Variants in JAK1 observed in about 807,000 individuals in gnomAD.
JAK1 encodes Janus kinase 1, also known as tyrosine-protein kinase JAK1.
JAK1 carries 16 observed loss-of-function variants against 136.6 expected under a neutral mutation model. That is an observed-to-expected ratio of 0.12 (90% CI 0.08 to 0.18). The LOEUF is 0.18. Among genes scored for constraint, JAK1 ranks in the 10% least tolerant of loss-of-function variants. The probability of loss-of-function intolerance (pLI) is 1.00; values close to 1 mark genes in which losing one functional copy is unlikely to be tolerated. For missense variants in JAK1, 859 were observed against 1,450.1 expected (o/e 0.59, Z 6.62); for synonymous variants, 492 against 519.5 (o/e 0.95, Z 0.72).
At chr1:64,884,220 T>A (rs549675320) in intron 2 of JAK1, among the ~76,000 whole-genome samples, 5 of 152,128 alleles carry the variant, frequency 3.3e-5, no homozygotes, top group African/African-American at 1.2e-4. Context: ...ATAAGCACCC[T>A]CCAAAGGGAG....
At chr1:64,965,328 G>A (rs1569767148) in intron 1 of JAK1, among the ~76,000 whole-genome samples, 1 of 152,298 alleles carries the variant, frequency 6.6e-6, no homozygotes, top group African/African-American at 2.4e-5. Flanking sequence ...GCAGAAGGCA[G>A]CTCACAGCCA....
chr1:64,840,785 T>C (rs1654844964), intron 19 of JAK1, among the ~76,000 whole-genome samples: 1 of 151,494 alleles, frequency 6.6e-6, no homozygotes. Flanking sequence ...TGAGCTATGA[T>C]CACACCACTC....
At chr1:64,939,481 TA>T (rs1353423234) in intron 1 of JAK1, among the ~76,000 whole-genome samples, 2 of 152,224 alleles carry the variant, frequency 1.3e-5, no homozygotes, top group Admixed American at 1.3e-4. Flanking sequence ...GGCTTACTGG[TA>T]AAATGCATGA....
At chr1:64,879,479 G>T (rs1266578884) in intron 3 of JAK1, among the ~76,000 whole-genome samples, 1 of 152,146 alleles carries the variant, frequency 6.6e-6, no homozygotes, top group Non-Finnish European at 1.5e-5. Context: ...ACCCCTATCT[G>T]AGAGGTTCAC....
intron 1 of JAK1, among the ~76,000 whole-genome samples, chr1:64,928,487 T>C (rs761798618): frequency 1.3e-5 from 2 of 152,122 alleles, no homozygotes; most frequent in Non-Finnish European, 2.9e-5. Context: ...TACACAAATA[T>C]GCACACACAA....
Position 64,925,787 on chromosome 1 carries a change from A to G in JAK1, c.-77-39446T>C, listed in dbSNP as rs376739461. On this transcript the variant is annotated intron_variant, in intron 1 of 24. Coordinates refer to ENST00000342505, the MANE Select transcript of JAK1 (RefSeq NM_002227.4). ...AAATCCCTACTTTACAGGGAACTAA[A>G]TGAGGCCCAAACACAAGACCCAAGG... 2.0e-4 allele frequency among the ~76,000 whole-genome samples: 30 copies of G among 152,282 alleles called. 5 individuals are homozygous for G. The highest frequency in any genetic ancestry group is 3.3e-4 in the Admixed American group (5 of 15,298).
intron 12 of JAK1, among the ~76,000 whole-genome samples, chr1:64,850,114 C>T (rs1002513224): frequency 6.6e-6 from 1 of 152,176 alleles, no homozygotes; most frequent in Non-Finnish European, 1.5e-5. Flanking sequence ...GTGCTTGCTT[C>T]TCTCCAAGGC....
chr1:64,968,620 C>T (rs559322510), upstream of JAK1, among the ~76,000 whole-genome samples: 1 of 152,100 alleles, frequency 6.6e-6, no homozygotes, highest in Admixed American at 6.5e-5. Flanking sequence ...AAGACCCTGT[C>T]TCTAAAATAA....
chr1:65,061,681 C>G (rs1360561825), intron 1 of JAK1, among the ~76,000 whole-genome samples: 3 of 152,148 alleles, frequency 2.0e-5, no homozygotes, highest in African/African-American at 7.2e-5. Flanking sequence ...TTTGACCACA[C>G]TGAGATGTTA....
chr1:64,966,974 A>G (rs1054595021), upstream of JAK1, among the ~76,000 whole-genome samples: 1 of 152,036 alleles, frequency 6.6e-6, no homozygotes, highest in Non-Finnish European at 1.5e-5. Context: ...GTGGAGCACT[A>G]GACTAAAAAG....
Position 64,838,476 on chromosome 1 carries a change from G to C in JAK1, c.2956C>G (p.Gln986Glu). 6.2e-7 allele frequency: 1 copy of C among 1,613,908 alleles called. No homozygotes were observed. The highest frequency in any genetic ancestry group is 8.5e-7 in the Non-Finnish European group (1 of 1,179,876). Residue 986 changes from glutamine (Q) to glutamate (E), a missense_variant, in exon 21 of 25, where the codon CAG becomes GAG. Coordinates refer to ENST00000342505, the MANE Select transcript of JAK1 (RefSeq NM_002227.4). ...TCTTTATTTTTTACCTTACAAATCT[G>C]AACGGCATATTTTAGCTGCTGTTTG... ...NLKQQLKYAV[Q>E]ICKGMDYLGS...
At chr1:64,845,378 C>T (rs1027737936) in intron 15 of JAK1, 135 bp downstream of exon 15, 1 of 999,098 alleles carries the variant, frequency 1.0e-6, no homozygotes, top group Non-Finnish European at 1.5e-6. Flanking sequence ...CACCTTTGTT[C>T]AACCACAGAG....
At chr1:64,928,429 C>T (rs948847918) in intron 1 of JAK1, among the ~76,000 whole-genome samples, 3 of 152,148 alleles carry the variant, frequency 2.0e-5, no homozygotes, top group Non-Finnish European at 4.4e-5. Context: ...CTCCCTGAAG[C>T]CAGCTCTCAC....
In JAK1 at chr1:64,951,849, A is replaced by G. The variant is rs371034531; in HGVS notation, c.-78+14484T>C. ...AATTTTTTGTATTTTTAGTAGAGACAGGGTTTCACCGTGTTAGCTAGGATG... is the reference window on the plus strand; with the variant it reads ...AATTTTTTGTATTTTTAGTAGAGACGGGGTTTCACCGTGTTAGCTAGGATG... On this transcript the variant is annotated intron_variant, in intron 1 of 24. Coordinates refer to ENST00000342505, the MANE Select transcript of JAK1 (RefSeq NM_002227.4). Among the ~76,000 whole-genome samples the G allele has an allele frequency of 4.5e-4, 68 of 152,026 alleles. 5 individuals carry two copies. Among genetic ancestry groups the G allele is most frequent in the Admixed American group, 2.2e-3 (33 of 15,280 alleles).
Position 64,838,656 on chromosome 1 carries a change from A to C in JAK1, c.2843-67T>G, listed in dbSNP as rs1654646038. 3.2e-6 allele frequency: 5 copies of C among 1,560,456 alleles called. No individual in the cohort carries two copies. The African/African-American group carries it at 6.8e-5, about 21-fold the overall frequency. On this transcript the variant is annotated intron_variant, in intron 20 of 24. Coordinates refer to ENST00000342505, the MANE Select transcript of JAK1 (RefSeq NM_002227.4). ...AGGGAACCATGGGAGAGGCAAGGGC[A>C]CAGGATATGAGACAGAGGCCCTGAG...
At chr1:64,883,085 A>G (rs1191385787) in intron 3 of JAK1, among the ~76,000 whole-genome samples, 192 bp downstream of exon 3, 2 of 152,224 alleles carry the variant, frequency 1.3e-5, no homozygotes, top group African/African-American at 4.8e-5. Context: ...GAAAGTGAAA[A>G]GCGAAACCCT....
At chr1:64,903,385 T>G (rs951281278) in intron 1 of JAK1, among the ~76,000 whole-genome samples, 4 of 152,168 alleles carry the variant, frequency 2.6e-5, no homozygotes, top group Non-Finnish European at 5.9e-5. Context: ...GCACATCAGC[T>G]GTAAAGAAAG....
At chr1:65,012,869 G>A (rs1320867343) in intron 2 of JAK1, among the ~76,000 whole-genome samples, 7 of 150,610 alleles carry the variant, frequency 4.6e-5, no homozygotes, top group Admixed American at 2.0e-4. Context: ...CAAGGCAGGC[G>A]GATCACGAGG....
In JAK1 at chr1:64,864,954, C is replaced by T. The variant is rs1378023815; in HGVS notation, c.1009G>A (p.Glu337Lys). 2.5e-6 allele frequency: 4 copies of T among 1,612,532 alleles called. No individual in the cohort carries two copies. The highest frequency in any genetic ancestry group is 3.4e-6 in the Non-Finnish European group (4 of 1,179,302). The change falls in exon 8 of 25, where the codon GAA becomes AAA. Residue 337 changes from glutamate to lysine, a missense_variant. Physicochemically the swap from Glu to Lys is moderately conservative, Grantham distance 56. Around this residue, in one of 4 missense-constraint regions of JAK1, gnomAD observed 353 missense variants for 494.0 expected, o/e 0.71. Coordinates refer to ENST00000342505, the MANE Select transcript of JAK1 (RefSeq NM_002227.4). ...HKPNVVSVEKEKNKLKRKKLE... is the reference protein window; with the variant it reads ...HKPNVVSVEKKKNKLKRKKLE... ...TTTTTCCGCTTCAGTTTATTTTTTTCCTTTTCAACAGAAACAACCTGATAA... is the reference window on the plus strand; with the variant it reads ...TTTTTCCGCTTCAGTTTATTTTTTTTCTTTTCAACAGAAACAACCTGATAA...
Sources: allele counts gnomAD v4.1 joint callset (sites outside exome capture counted in the v4.1 genomes callset), GRCh38; gene constraint gnomAD v4.1.1; regional missense constraint gnomAD v4.1.1; transcripts MANE v1.5; gene names NCBI Gene and HGNC (gene_info 2026-07-23, HGNC 2026-07-21).